The following ERC2 variants were observed in gnomAD, a reference collection of about 807,000 sequenced individuals.
ERC2 encodes the protein ELKS/RAB6-interacting/CAST family member 2.
In ERC2, 42 loss-of-function variants were observed where a neutral mutation model predicts 114.8. The ratio of observed to expected loss-of-function variants is 0.37; its 90% CI spans 0.29 to 0.47. ERC2 has a LOEUF of 0.47. ERC2 is among the 20% of genes least tolerant of loss of function. The probability of loss-of-function intolerance (pLI) is 0.99; values close to 1 mark genes in which losing one functional copy is unlikely to be tolerated. For missense variants in ERC2, 939 were observed against 1,150.7 expected, an observed-to-expected ratio of 0.82 and a Z score of 2.66; for synonymous variants, 454 against 425.5, an observed-to-expected ratio of 1.07 and a Z score of -0.82.
At chr3:56,383,304 A>G (rs187622208) in intron 2 of ERC2, among the ~76,000 whole-genome samples, 10 of 152,252 alleles carry the variant, frequency 6.6e-5, no homozygotes, top group African/African-American at 2.4e-4. Flanking sequence ...AAAGAGCAAA[A>G]CCCAGGTCGC....
chr3:56,440,841 AAC>A (rs2062267716), intron 1 of ERC2, among the ~76,000 whole-genome samples: 1 of 152,196 alleles, frequency 6.6e-6, no homozygotes, highest in South Asian at 2.1e-4. Flanking sequence ...TTTCCCACTT[AAC>A]ATAGATGCCA....
At chr3:55,736,589 C>A (rs964012189) in intron 14 of ERC2, among the ~76,000 whole-genome samples, 2 of 152,152 alleles carry the variant, frequency 1.3e-5, no homozygotes, top group African/African-American at 4.8e-5. Context: ...GGGACCTCAT[C>A]GATCTTGTGC....
intron 6 of ERC2, among the ~76,000 whole-genome samples, chr3:56,135,738 A>T (rs2080467871): frequency 6.6e-6 from 1 of 152,206 alleles, no homozygotes; most frequent in South Asian, 2.1e-4. Flanking sequence ...GTTTTGTTTG[A>T]CATTTTACTT....
At chr3:55,690,588 T>C (rs1403697157) in intron 16 of ERC2, among the ~76,000 whole-genome samples, 1 of 152,050 alleles carries the variant, frequency 6.6e-6, no homozygotes, top group Non-Finnish European at 1.5e-5. Flanking sequence ...AATCTCTTAA[T>C]GTAACCCTAA....
chr3:55,580,806 C>T (rs1415936260), intron 17 of ERC2, among the ~76,000 whole-genome samples: 1 of 152,152 alleles, frequency 6.6e-6, no homozygotes, highest in Admixed American at 6.5e-5. Context: ...AGCCTATGTG[C>T]TTGCCTACAT....
At chr3:56,176,600 T>G (rs527532433) in intron 3 of ERC2, among the ~76,000 whole-genome samples, 1 of 152,286 alleles carries the variant, frequency 6.6e-6, no homozygotes, top group South Asian at 2.1e-4. Context: ...TTTTCTTAAT[T>G]ACAATATTTT....
intron 17 of ERC2, among the ~76,000 whole-genome samples, chr3:55,634,404 C>T (rs1158039994): frequency 6.6e-6 from 1 of 152,122 alleles, no homozygotes; most frequent in Non-Finnish European, 1.5e-5. Flanking sequence ...CAAATTCTAC[C>T]TATTGAATAT....
In ERC2 at chr3:56,149,165, A is replaced by G. The variant is rs771867236; in HGVS notation, c.1150-33T>C. The G allele has an allele frequency of 1.6e-5, 25 of 1,516,230 alleles. No individual in the cohort carries two copies. The African/African-American group carries it at 3.1e-4, about 19-fold the overall frequency. The allele number at this position is 1,516,230 out of a possible 1,614,324, so 93.9% of individuals were successfully genotyped here. ...TAAAGAAGAAAAGAAAAAGAAAAAT[A>G]AAGAATAAAAATTATTTTTAAGATC... On this transcript the variant is annotated intron_variant, in intron 4 of 17. Coordinates refer to ENST00000288221, the MANE Select transcript of ERC2 (RefSeq NM_015576.3).
chr3:56,030,542 C>T (rs2074315761), intron 7 of ERC2, among the ~76,000 whole-genome samples: 1 of 152,072 alleles, frequency 6.6e-6, no homozygotes, highest in Admixed American at 6.5e-5. Context: ...TGGTGAATTA[C>T]TCTGTTTTAT....
chr3:56,137,064 ATTAAT>A, intron 6 of ERC2, among the ~76,000 whole-genome samples: 1 of 152,208 alleles, frequency 6.6e-6, no homozygotes, highest in South Asian at 2.1e-4. Context: ...TTTGGACTAC[ATTAAT>A]TTGAGAGAGG....
chr3:56,077,315 T>C (rs1163640737), intron 7 of ERC2, among the ~76,000 whole-genome samples: 1 of 152,208 alleles, frequency 6.6e-6, no homozygotes, highest in Non-Finnish European at 1.5e-5. Flanking sequence ...CCAAATGTAT[T>C]GGTAAACTTG....
At chr3:55,998,076 T>C (rs1285607723) in intron 10 of ERC2, among the ~76,000 whole-genome samples, 1 of 151,608 alleles carries the variant, frequency 6.6e-6, no homozygotes, top group Non-Finnish European at 1.5e-5. Flanking sequence ...CTATATATCT[T>C]AGTTCTAAAG....
intron 17 of ERC2, among the ~76,000 whole-genome samples, chr3:55,634,662 G>A (rs942218252): frequency 2.0e-4 from 31 of 152,250 alleles, no homozygotes; most frequent in African/African-American, 5.1e-4. Flanking sequence ...TGGTCCATTC[G>A]GCTAAGATGG....
chr3:56,296,578 G>A (rs2055454738), intron 2 of ERC2, 143 bp from the exon 3 acceptor site: 2 of 816,752 alleles, frequency 2.4e-6, no homozygotes, highest in Non-Finnish European at 3.7e-6. Context: ...TTCCTCCACG[G>A]TGACTTCAGA....
chr3:55,618,890 C>T (rs954574650), intron 17 of ERC2, among the ~76,000 whole-genome samples: 4 of 152,290 alleles, frequency 2.6e-5, no homozygotes, highest in East Asian at 3.9e-4. Flanking sequence ...CATGGGAAGA[C>T]CCAGCTATCC....
At chr3:55,607,712 AC>A (rs1360180660) in intron 17 of ERC2, among the ~76,000 whole-genome samples, 1 of 150,714 alleles carries the variant, frequency 6.6e-6, no homozygotes, top group Non-Finnish European at 1.5e-5. Context: ...TCCTTTCTGC[AC>A]ACCAGCATCG....
chr3:55,804,305 G>A (rs2059412406), intron 14 of ERC2, among the ~76,000 whole-genome samples: 1 of 152,126 alleles, frequency 6.6e-6, no homozygotes, highest in African/African-American at 2.4e-5. Context: ...TACTCACAGA[G>A]TAAAGCTCCC....
chr3:56,378,427 G>T (rs2059627306), intron 2 of ERC2, among the ~76,000 whole-genome samples: 2 of 105,632 alleles, frequency 1.9e-5, no homozygotes, highest in South Asian at 4.3e-4. Context: ...GTTGTGGGGT[G>T]GGGGGAGGGG....
At chr3:56,177,350 A>G (rs2083033790) in intron 3 of ERC2, among the ~76,000 whole-genome samples, 1 of 152,186 alleles carries the variant, frequency 6.6e-6, no homozygotes, top group Non-Finnish European at 1.5e-5. Flanking sequence ...CGATGCACCC[A>G]TTATGCACTA....
Sources: allele counts gnomAD v4.1 joint callset (sites outside exome capture counted in the v4.1 genomes callset), GRCh38; gene constraint gnomAD v4.1.1; transcripts MANE v1.5; gene names NCBI Gene and HGNC (gene_info 2026-07-23, HGNC 2026-07-21).